Variants in ARFGEF3 observed in about 807,000 individuals in gnomAD.
The protein encoded by ARFGEF3 is ARFGEF family member 3, also known as brefeldin A-inhibited guanine nucleotide-exchange protein 3.
ARFGEF3 carries 96 observed loss-of-function variants against 221.7 expected under a neutral mutation model. The observed-to-expected ratio is 0.43, with a 90% CI of 0.37 to 0.51. The LOEUF (loss-of-function observed/expected upper bound fraction) is 0.51. Among genes scored for constraint, ARFGEF3 ranks in the 20% least tolerant of loss-of-function variants. ARFGEF3 has a pLI of 0.00. For missense variants in ARFGEF3, 2,410 were observed against 2,789.9 expected, an observed-to-expected ratio of 0.86 and a Z score of 3.07; for synonymous variants, 1,145 against 1,126.8, an observed-to-expected ratio of 1.02 and a Z score of -0.32.
At chr6:138,260,902 A>C (rs896670485) in intron 10 of ARFGEF3, among the ~76,000 whole-genome samples, 8 of 152,186 alleles carry the variant, frequency 5.3e-5, no homozygotes, top group Admixed American at 2.6e-4. Context: ...TTTGAAAACC[A>C]GGTAAAATGG....
chr6:138,251,045 G>A (rs757187714), intron 8 of ARFGEF3, among the ~76,000 whole-genome samples: 5 of 152,138 alleles, frequency 3.3e-5, no homozygotes, highest in East Asian at 3.9e-4. Flanking sequence ...GCATGGGCAC[G>A]ATCATCTGTT....
In ARFGEF3 at chr6:138,321,366, C is replaced by G. The variant is rs1780023592; in HGVS notation, c.4766+141C>G. On this transcript the variant is annotated intron_variant, in intron 29 of 33. Coordinates refer to ENST00000251691, the MANE Select transcript of ARFGEF3 (RefSeq NM_020340.5). Reference sequence around the variant, plus strand: ...ACTTTTGTAATTAAAAATGACTGTGCTAATAATTCTTCATTTCAGTGTTCA... The same window carrying G: ...ACTTTTGTAATTAAAAATGACTGTGGTAATAATTCTTCATTTCAGTGTTCA... 1.5e-5 allele frequency: 9 copies of G among 594,400 alleles called. No individual in the cohort carries two copies. In the South Asian group the frequency reaches 2.0e-4, roughly 13 times the overall value. The allele number at this position is 594,400 out of a possible 1,614,324, so 36.8% of individuals were successfully genotyped here.
In ARFGEF3 at chr6:138,285,955, G is replaced by T. The variant is rs1453397344; in HGVS notation, c.2471G>T (p.Gly824Val). 1 of 1,609,156 alleles carries T rather than the reference G, an allele frequency of 6.2e-7. No homozygotes were observed. The highest frequency in any genetic ancestry group is 8.5e-7 in the Non-Finnish European group (1 of 1,177,034). Reference sequence around the variant, plus strand: ...TCTTTTTCCTTGACAGATATTGACGGCTTAGAGAGCAGTGCCATTGGTGGC... The same window carrying T: ...TCTTTTTCCTTGACAGATATTGACGTCTTAGAGAGCAGTGCCATTGGTGGC... ...PLITMLTDID[G>V]LESSAIGGQL... is the part of the protein sequence containing the mutation. The change falls in exon 15 of 34, where the codon GGC becomes GTC. Residue 824 changes from glycine (G) to valine (V), a missense_variant. Physicochemically the swap from Gly to Val is moderately radical, Grantham distance 109. Transcript: ENST00000251691.
At chr6:138,287,545 T>A (rs1043864901) in intron 17 of ARFGEF3, among the ~76,000 whole-genome samples, 4 of 152,198 alleles carry the variant, frequency 2.6e-5, no homozygotes, top group Non-Finnish European at 5.9e-5. Context: ...GAAGGCAGAT[T>A]GGCCAGTTTT....
intron 8 of ARFGEF3, among the ~76,000 whole-genome samples, chr6:138,250,851 C>G (rs6902537): frequency 6.6e-6 from 1 of 152,234 alleles, no homozygotes; most frequent in East Asian, 1.9e-4. Context: ...CCTAAGTAGA[C>G]AGATTTTTCC....
chr6:138,242,854 C>G, intron 6 of ARFGEF3, 98 bp from the exon 7 acceptor site: 1 of 1,035,222 alleles, frequency 9.7e-7, no homozygotes, highest in African/African-American at 1.6e-5. Flanking sequence ...CAGGGCACCC[C>G]GGAAGCCATT....
intron 1 of ARFGEF3, among the ~76,000 whole-genome samples, chr6:138,169,175 G>A (rs1202531192): frequency 1.3e-5 from 2 of 152,172 alleles, no homozygotes; most frequent in African/African-American, 2.4e-5. Flanking sequence ...GTGGAACCTG[G>A]TTCTCTTTGC....
At chr6:138,317,212 C>G in intron 26 of ARFGEF3, 39 bp from the exon 27 acceptor site, 4 of 1,602,866 alleles carry the variant, frequency 2.5e-6, no homozygotes, top group South Asian at 2.2e-5. Context: ...TTCATTGTGT[C>G]TAACTGGATT....
intron 4 of ARFGEF3, among the ~76,000 whole-genome samples, chr6:138,211,376 C>G (rs1164829417): frequency 1.3e-5 from 2 of 152,186 alleles, no homozygotes; most frequent in Non-Finnish European, 2.9e-5. Flanking sequence ...TCATCTTTAA[C>G]TCTCTTTGAT....
intron 27 of ARFGEF3, 143 bp from the exon 28 acceptor site, chr6:138,319,560 T>A (rs1779986577): frequency 1.6e-6 from 1 of 629,068 alleles, no homozygotes; most frequent in South Asian, 2.4e-5. Flanking sequence ...AGACCATATA[T>A]TCCCCCATCA....
At chr6:138,335,251 C>A in intron 33 of ARFGEF3, 63 bp downstream of exon 33, 4 of 1,445,026 alleles carry the variant, frequency 2.8e-6, no homozygotes, top group Middle Eastern at 2.4e-4. Flanking sequence ...GATGGGCCCC[C>A]CCTTGCAGAG....
At chr6:138,170,627 A>G (rs1267471460) in intron 1 of ARFGEF3, 35 bp from the exon 2 acceptor site, 9 of 1,202,770 alleles carry the variant, frequency 7.5e-6, no homozygotes, top group Non-Finnish European at 1.1e-5. Flanking sequence ...CAGTGTTTAA[A>G]TATTTATTTT....
chr6:138,319,110 C>T (rs1357113608), intron 27 of ARFGEF3, among the ~76,000 whole-genome samples: 1 of 148,894 alleles, frequency 6.7e-6, no homozygotes, highest in African/African-American at 2.5e-5. Flanking sequence ...CTCCACAATG[C>T]CCAGCTAATT....
chr6:138,278,637 T>C lies in ARFGEF3; in HGVS notation c.2295+20T>C, dbSNP rs369537533. 4.0e-5 allele frequency: 64 copies of C among 1,612,428 alleles called. No homozygotes were observed. In the Admixed American group the frequency reaches 6.8e-4, roughly 17 times the overall value. On this transcript the variant is annotated intron_variant, in intron 13 of 33. Transcript: ENST00000251691. ...GTGATGGTGAGTGTGCCGTCCCTCATTGGACTGGCAGAGGGCAGGCTGTAA... is the reference window on the plus strand; with the variant it reads ...GTGATGGTGAGTGTGCCGTCCCTCACTGGACTGGCAGAGGGCAGGCTGTAA...
intron 10 of ARFGEF3, among the ~76,000 whole-genome samples, chr6:138,257,552 A>G (rs1778707501): frequency 6.6e-6 from 1 of 152,198 alleles, no homozygotes; most frequent in South Asian, 2.1e-4. Context: ...AGGAGGTCAA[A>G]TGGTTTGCCC....
At chr6:138,306,125 A>G (rs561402233) in intron 22 of ARFGEF3, among the ~76,000 whole-genome samples, 1 of 152,182 alleles carries the variant, frequency 6.6e-6, no homozygotes, top group Non-Finnish European at 1.5e-5. Flanking sequence ...GAGCAAGGTC[A>G]CTGCATTCAA....
At chr6:138,195,824 T>C (rs949435876) in intron 2 of ARFGEF3, among the ~76,000 whole-genome samples, 1 of 152,132 alleles carries the variant, frequency 6.6e-6, no homozygotes, top group Non-Finnish European at 1.5e-5. Flanking sequence ...GAGCAGACGC[T>C]TTCCACGGTG....
intron 22 of ARFGEF3, among the ~76,000 whole-genome samples, chr6:138,300,702 G>A (rs562258466): frequency 6.6e-6 from 1 of 152,318 alleles, no homozygotes; most frequent in Admixed American, 6.5e-5. Flanking sequence ...AGACGGGGAA[G>A]CTCAGCAAAA....
chr6:138,305,933 G>T (rs746423649), intron 22 of ARFGEF3, among the ~76,000 whole-genome samples: 1 of 152,088 alleles, frequency 6.6e-6, no homozygotes, highest in Non-Finnish European at 1.5e-5. Flanking sequence ...TTTTTCTCTT[G>T]TAATCAGTAA....
Sources: allele counts gnomAD v4.1 joint callset (sites outside exome capture counted in the v4.1 genomes callset), GRCh38; gene constraint gnomAD v4.1.1; transcripts MANE v1.5; gene names NCBI Gene and HGNC (gene_info 2026-07-23, HGNC 2026-07-21).